Variants in FHIT observed in about 807,000 individuals in gnomAD.
The protein encoded by FHIT is bis(5'-adenosyl)-triphosphatase.
In FHIT, 19 loss-of-function variants were observed where a neutral mutation model predicts 17.9. The ratio of observed to expected loss-of-function variants is 1.06; its 90% CI spans 0.74 to 1.56. FHIT has a LOEUF of 1.56. FHIT is among the 40% of genes most tolerant of loss of function. The pLI is 0.00. For synonymous variants in FHIT, 81 were observed against 69.7 expected, an observed-to-expected ratio of 1.16 and a Z score of -0.81; for missense variants, 248 against 189.2, an observed-to-expected ratio of 1.31 and a Z score of -1.82.
chr3:60,100,024 G>C (rs1274452807), intron 5 of FHIT, among the ~76,000 whole-genome samples: 1 of 152,128 alleles, frequency 6.6e-6, no homozygotes, highest in East Asian at 1.9e-4. Context: ...GTTTTTCACA[G>C]TAGCACACTG....
chr3:59,983,088 G>A (rs868707481), intron 7 of FHIT, among the ~76,000 whole-genome samples: 3 of 151,860 alleles, frequency 2.0e-5, no homozygotes, highest in Non-Finnish European at 4.4e-5. Context: ...AGAGGCATGT[G>A]CCACCATGCC....
At chr3:60,004,500 T>G (rs1223939134) in intron 7 of FHIT, among the ~76,000 whole-genome samples, 1 of 152,134 alleles carries the variant, frequency 6.6e-6, no homozygotes, top group Non-Finnish European at 1.5e-5. Context: ...AAACAGGGAT[T>G]GTCCTCTGGA....
At chr3:61,209,649 G>C (rs1334715664) in intron 1 of FHIT, among the ~76,000 whole-genome samples, 1 of 152,142 alleles carries the variant, frequency 6.6e-6, no homozygotes, top group East Asian at 1.9e-4. Context: ...TCGTGCCTTG[G>C]TTTTCAGCTC....
intron 5 of FHIT, among the ~76,000 whole-genome samples, chr3:60,279,232 A>G (rs1394811995): frequency 6.6e-6 from 1 of 152,112 alleles, no homozygotes; most frequent in Non-Finnish European, 1.5e-5. Flanking sequence ...CGGATATTAA[A>G]AAGATGATAA....
intron 5 of FHIT, among the ~76,000 whole-genome samples, chr3:60,315,294 T>G (rs572378409): frequency 6.6e-6 from 1 of 152,186 alleles, no homozygotes; most frequent in Non-Finnish European, 1.5e-5. Flanking sequence ...CAGCAACAGA[T>G]AGCCAGAACA....
chr3:60,001,795 A>T (rs898445468), intron 7 of FHIT, among the ~76,000 whole-genome samples: 1 of 152,150 alleles, frequency 6.6e-6, no homozygotes, highest in Non-Finnish European at 1.5e-5. Flanking sequence ...AGTCACATTT[A>T]TTCCTTCCTT....
rs2041165246 is a variant in FHIT at position 60,698,484 on chromosome 3, C to T, written c.-18+123435G>A. 4.6e-5 allele frequency among the ~76,000 whole-genome samples: 7 copies of T among 152,188 alleles called. No individual in the cohort carries two copies. In the South Asian group the frequency reaches 1.5e-3, roughly 32 times the overall value. Reference sequence around the variant, plus strand: ...CCTGGAGAAAAATTGCAAACCTCACCCCCAAACAAACCGCATAAAGTAAAT... The same window carrying T: ...CCTGGAGAAAAATTGCAAACCTCACTCCCAAACAAACCGCATAAAGTAAAT... On this transcript the variant is annotated intron_variant, in intron 4 of 9. Coordinates refer to ENST00000492590, the MANE Select transcript of FHIT (RefSeq NM_002012.4).
intron 4 of FHIT, among the ~76,000 whole-genome samples, chr3:60,584,907 C>G (rs1342608773): frequency 6.6e-6 from 1 of 151,958 alleles, no homozygotes; most frequent in Non-Finnish European, 1.5e-5. Flanking sequence ...ATTTCTGGTT[C>G]CTGGTCTCAC....
At chr3:60,203,246 AT>A (rs1157625227) in intron 5 of FHIT, among the ~76,000 whole-genome samples, 2 of 152,346 alleles carry the variant, frequency 1.3e-5, no homozygotes, top group African/African-American at 4.8e-5. Flanking sequence ...TTAAAAAAAA[AT>A]GACAACCACC....
At chr3:60,586,360 T>A (rs1304452709) in intron 4 of FHIT, among the ~76,000 whole-genome samples, 1 of 151,966 alleles carries the variant, frequency 6.6e-6, no homozygotes, top group Admixed American at 6.6e-5. Context: ...CCAGCAAAGT[T>A]TAAAGTTAGA....
At chr3:60,717,407 T>A (rs528136470) in intron 4 of FHIT, among the ~76,000 whole-genome samples, 1 of 152,244 alleles carries the variant, frequency 6.6e-6, no homozygotes, top group Non-Finnish European at 1.5e-5. Context: ...TATCAAAACA[T>A]CACTTTTTAC....
At chr3:61,189,915 C>T (rs1308121312) in intron 2 of FHIT, among the ~76,000 whole-genome samples, 3 of 152,174 alleles carry the variant, frequency 2.0e-5, no homozygotes, top group Non-Finnish European at 4.4e-5. Flanking sequence ...CTTCCTTACA[C>T]CTTATACAAA....
chr3:60,120,197 T>C (rs977580270), intron 5 of FHIT, among the ~76,000 whole-genome samples: 1 of 152,188 alleles, frequency 6.6e-6, no homozygotes, highest in Non-Finnish European at 1.5e-5. Context: ...TTGCCTGATG[T>C]ATGCCTGTCT....
intron 5 of FHIT, among the ~76,000 whole-genome samples, chr3:60,220,983 C>T (rs1409422690): frequency 1.3e-5 from 2 of 152,086 alleles, no homozygotes; most frequent in Non-Finnish European, 2.9e-5. Context: ...CATTATGGCT[C>T]CTGGCGGCTA....
intron 5 of FHIT, among the ~76,000 whole-genome samples, chr3:60,305,772 C>A (rs77364251): frequency 2.2e-4 from 33 of 152,174 alleles, no homozygotes; most frequent in African/African-American, 7.9e-4. Context: ...TTGGAGGTGT[C>A]TGCAGTCATA....
chr3:60,521,480 T>C (rs151745), intron 5 of FHIT, among the ~76,000 whole-genome samples: 4,237 of 152,134 alleles, frequency 0.028, 72 homozygotes, highest in Non-Finnish European at 0.044. Context: ...ATCTGCTGAC[T>C]TCGTGATCCG....
chr3:59,773,121 T>C (rs1418146420), intron 8 of FHIT, among the ~76,000 whole-genome samples: 1 of 152,200 alleles, frequency 6.6e-6, no homozygotes, highest in Admixed American at 6.5e-5. Flanking sequence ...TTCAGTTGTA[T>C]CTTGAGTGGA....
At chr3:60,291,727 T>A (rs571999324) in intron 5 of FHIT, among the ~76,000 whole-genome samples, 2 of 152,242 alleles carry the variant, frequency 1.3e-5, no homozygotes, top group South Asian at 2.1e-4. Flanking sequence ...TTATCCATAT[T>A]TAGAGTGAGC....
chr3:60,023,071 T>C (rs932860924), intron 5 of FHIT, among the ~76,000 whole-genome samples: 4 of 152,204 alleles, frequency 2.6e-5, no homozygotes, highest in African/African-American at 9.6e-5. Context: ...AAAATGAGCA[T>C]GTTGTAAAAA....
Sources: allele counts gnomAD v4.1 joint callset (sites outside exome capture counted in the v4.1 genomes callset), GRCh38; gene constraint gnomAD v4.1.1; transcripts MANE v1.5; gene names NCBI Gene and HGNC (gene_info 2026-07-23, HGNC 2026-07-21).